RBFOX3: variants seen among roughly 807,000 people sequenced by gnomAD.
RBFOX3 encodes RNA binding fox-1 homolog 3.
RBFOX3 carries 17 observed loss-of-function variants against 48.7 expected under a neutral mutation model. That is an observed-to-expected ratio of 0.35 (90% CI 0.24 to 0.52). RBFOX3 has a LOEUF of 0.52. Among genes scored for constraint, RBFOX3 ranks in the 20% least tolerant of loss-of-function variants. RBFOX3 has a pLI of 0.94. For missense variants in RBFOX3, 382 were observed against 497.5 expected (o/e 0.77, Z 2.21); for synonymous variants, 212 against 209.5 (o/e 1.01, Z -0.10).
intron 1 of RBFOX3, among the ~76,000 whole-genome samples, chr17:79,534,507 G>A (rs2088365258): frequency 6.6e-6 from 1 of 152,176 alleles, no homozygotes; most frequent in African/African-American, 2.4e-5. Context: ...TGGGAGCTCT[G>A]TGGGGTCTGC....
chr17:79,337,194 G>T (rs2081330199), intron 2 of RBFOX3, among the ~76,000 whole-genome samples: 1 of 152,068 alleles, frequency 6.6e-6, no homozygotes, highest in Admixed American at 6.5e-5. Context: ...CGTCATCTTG[G>T]CTCCTCCTAG....
rs1163533480 is a variant in RBFOX3, at chr17:79,481,940, T to G, written c.-175+514A>C. Among the ~76,000 whole-genome samples, 2 of 152,144 alleles carry G rather than the reference T, an allele frequency of 1.3e-5. No homozygotes were observed. The highest frequency in any genetic ancestry group is 2.9e-5 in the Non-Finnish European group (2 of 68,018). ...CACTTGGCCCAAACCCTGTGGAGTC[T>G]GACGCTGACTCCGGCGGTTAGTGTC... On this transcript the variant is annotated intron_variant, in intron 2 of 14. Transcript: ENST00000693108. The surrounding 1 kb of genome is among the most constrained non-coding windows in gnomAD (Gnocchi z 5.4).
chr17:79,356,169 T>G lies in RBFOX3; in HGVS notation c.-174-48345A>C, dbSNP rs9900648. On this transcript the variant is annotated intron_variant, in intron 2 of 14. Transcript: ENST00000693108. ...AACTTGAGCTGACGTCGGTCCTGCC[T>G]GCTGCCTGAATGTTCCTGCTTGTGA... is the stretch of plus-strand genomic sequence containing the variant. Among the ~76,000 whole-genome samples, 1,425 of 152,160 alleles carry G rather than the reference T, an allele frequency of 9.4e-3. 12 individuals are homozygous for G. Among genetic ancestry groups the G allele is most frequent in the African/African-American group, 0.033 (1,367 of 41,512 alleles).
chr17:79,344,287 T>C (rs1019134130), intron 2 of RBFOX3, among the ~76,000 whole-genome samples: 1 of 152,324 alleles, frequency 6.6e-6, no homozygotes, highest in African/African-American at 2.4e-5. Flanking sequence ...AAATTTTAAC[T>C]GGCTAATTTG....
chr17:79,345,471 T>C (rs2082756142), intron 2 of RBFOX3, among the ~76,000 whole-genome samples: 2 of 152,226 alleles, frequency 1.3e-5, no homozygotes, highest in African/African-American at 4.8e-5. Flanking sequence ...TCATTATATT[T>C]TCTGAAACTT....
chr17:79,421,591 C>T lies in RBFOX3; in HGVS notation c.-175+60863G>A, dbSNP rs2066392894. 6.6e-6 allele frequency among the ~76,000 whole-genome samples: 1 copy of T among 152,076 alleles called. No individual in the cohort carries two copies. Among genetic ancestry groups the T allele is most frequent in the Non-Finnish European group, 1.5e-5 (1 of 68,012 alleles). On this transcript the variant is annotated intron_variant, in intron 2 of 14. Coordinates refer to ENST00000693108, the MANE Select transcript of RBFOX3 (RefSeq NM_001350451.2). The surrounding 1 kb of genome is among the most constrained non-coding windows in gnomAD (Gnocchi z 4.5). ...CTGGCATTGGGTGACAGGAGGGGGC[C>T]CCAGAAGTTGAGGACACAAGGAACA...
intron 4 of RBFOX3, among the ~76,000 whole-genome samples, chr17:79,193,012 G>A (rs866280232): frequency 1.1e-4 from 17 of 152,320 alleles, no homozygotes; most frequent in African/African-American, 1.7e-4. Context: ...CTTCTGTGGG[G>A]CCAACAGTTT....
At chr17:79,454,611 A>G (rs1279609788) in intron 2 of RBFOX3, among the ~76,000 whole-genome samples, 2 of 152,168 alleles carry the variant, frequency 1.3e-5, no homozygotes, top group Non-Finnish European at 2.9e-5. Flanking sequence ...AGAATTTCAT[A>G]CCGTCCGGCC....
At position 79,101,664 on chromosome 17, in the gene RBFOX3, G is replaced by A. The variant is rs1056602102; in HGVS notation, c.508-20C>T. ...ATTGACCTGTTCAAAGAGGGAAGGA[G>A]AGAGAGGAAGAGGGAGGATTAGCCT... On this transcript the variant is annotated intron_variant, in intron 8 of 14. Transcript: ENST00000693108. The A allele has an allele frequency of 3.9e-6, 6 of 1,549,356 alleles. No homozygotes were observed. Among genetic ancestry groups the A allele is most frequent in the African/African-American group, 1.4e-5 (1 of 73,148 alleles).
chr17:79,273,237 C>T (rs763669258), intron 3 of RBFOX3, among the ~76,000 whole-genome samples: 2 of 152,168 alleles, frequency 1.3e-5, no homozygotes, highest in South Asian at 2.1e-4. Context: ...CGGCCTGAAG[C>T]CCCCAGGAGT....
chr17:79,532,772 G>A (rs1015024479), intron 1 of RBFOX3, among the ~76,000 whole-genome samples: 1 of 152,252 alleles, frequency 6.6e-6, no homozygotes, highest in Non-Finnish European at 1.5e-5. Flanking sequence ...ACAAGCAAAG[G>A]CCACAGGGAC....
chr17:79,140,150 C>T (rs1211427996), intron 4 of RBFOX3, among the ~76,000 whole-genome samples: 1 of 152,246 alleles, frequency 6.6e-6, no homozygotes, highest in East Asian at 1.9e-4. Context: ...ACTCTTCCTG[C>T]GCAGCCCTTG....
In RBFOX3 at chr17:79,443,231, C is replaced by T. The variant is rs1315022538; in HGVS notation, c.-175+39223G>A. ...CCAATCCTGGGTGCTGCCAAGTCCC[C>T]TCTGCCCCAACAAGCTGCTAGGTGT... On this transcript the variant is annotated intron_variant, in intron 2 of 14. Transcript: ENST00000693108. The surrounding 1 kb of genome is among the most constrained non-coding windows in gnomAD (Gnocchi z 4.4). Among the ~76,000 whole-genome samples, 1 of 152,242 alleles carries T rather than the reference C, an allele frequency of 6.6e-6. No homozygotes were observed. Among genetic ancestry groups the T allele is most frequent in the African/African-American group, 2.4e-5 (1 of 41,466 alleles).
intron 1 of RBFOX3, among the ~76,000 whole-genome samples, chr17:79,540,352 C>T (rs782421636): frequency 7.2e-5 from 11 of 152,224 alleles, no homozygotes; most frequent in Admixed American, 3.9e-4. Context: ...GCCCGGTGCA[C>T]GGAAGGGAGT....
chr17:79,262,159 A>G (rs888273300), intron 3 of RBFOX3, among the ~76,000 whole-genome samples: 1 of 152,246 alleles, frequency 6.6e-6, no homozygotes, highest in Non-Finnish European at 1.5e-5. Flanking sequence ...TCTCGTGGCC[A>G]CAGCTCTGTA....
chr17:79,092,278 C>A, intron 14 of RBFOX3: 1 of 985,514 alleles, frequency 1.0e-6, no homozygotes, highest in Non-Finnish European at 1.2e-6. Context: ...CCTGGCCCAG[C>A]CTGGACCCCA....
At chr17:79,323,274 G>C (rs2078818895) in intron 2 of RBFOX3, among the ~76,000 whole-genome samples, 1 of 152,218 alleles carries the variant, frequency 6.6e-6, no homozygotes, top group South Asian at 2.1e-4. Flanking sequence ...TTGAGCTAGG[G>C]CATCTCAAGA....
intron 2 of RBFOX3, among the ~76,000 whole-genome samples, chr17:79,350,383 C>G (rs1257351453): frequency 1.3e-5 from 2 of 152,246 alleles, no homozygotes; most frequent in East Asian, 3.9e-4. Context: ...CCAGATGGGT[C>G]TCCCTTCTCC....
chr17:79,663,923 A>C, the RBFOX3 span, among the ~76,000 whole-genome samples: 8 of 152,168 alleles, frequency 5.3e-5, no homozygotes, highest in Admixed American at 2.6e-4. Context: ...AAAGCTTGGG[A>C]GAGAACTGAG....
Sources: allele counts gnomAD v4.1 joint callset (sites outside exome capture counted in the v4.1 genomes callset), GRCh38; gene constraint gnomAD v4.1.1; non-coding constraint Gnocchi (gnomAD v3.1); transcripts MANE v1.5; gene names NCBI Gene and HGNC (gene_info 2026-07-23, HGNC 2026-07-21).